Variants in DGKB observed in about 807,000 individuals in gnomAD.
The protein encoded by DGKB is diacylglycerol kinase beta.
DGKB carries 67 observed loss-of-function variants against 114.3 expected under a neutral mutation model. That is an observed-to-expected ratio of 0.59 (90% CI 0.48 to 0.72). The LOEUF (loss-of-function observed/expected upper bound fraction) is 0.72, where lower values mean the gene tolerates loss of function less well. Ranked by LOEUF, DGKB falls within the 30% of genes least tolerant of loss-of-function variation. The pLI is 0.00. For synonymous variants in DGKB, 398 were observed against 323.1 expected (o/e 1.23, Z -2.49); for missense variants, 907 against 975.2 (o/e 0.93, Z 0.93).
At position 14,451,258 on chromosome 7, in the gene DGKB, T is replaced by C. The variant is rs138537662; in HGVS notation, c.1835+26903A>G. Among the ~76,000 whole-genome samples the C allele has an allele frequency of 4.6e-5, 7 of 152,164 alleles. No individual in the cohort carries two copies. The East Asian group carries it at 1.4e-3, about 29-fold the overall frequency. On this transcript the variant is annotated intron_variant, in intron 21 of 25. Transcript: ENST00000402815. ...GTAAAGCAGATTGCCCTTCACAATA[T>C]GGGTAGGACTCATCTAATGTGTTGA...
At chr7:14,786,825 C>T (rs1003883016) in intron 2 of DGKB, among the ~76,000 whole-genome samples, 4 of 152,206 alleles carry the variant, frequency 2.6e-5, no homozygotes, top group African/African-American at 4.8e-5. Context: ...GAGGATGGCT[C>T]GGCATAGGCC....
At chr7:14,324,767 A>G (rs71538871) in intron 23 of DGKB, among the ~76,000 whole-genome samples, 1 of 152,316 alleles carries the variant, frequency 6.6e-6, no homozygotes, top group South Asian at 2.1e-4. Flanking sequence ...ACACGCGAGA[A>G]CAAGATACAT....
intron 2 of DGKB, among the ~76,000 whole-genome samples, chr7:14,837,196 C>G (rs2128131964): frequency 6.6e-6 from 1 of 152,288 alleles, no homozygotes; most frequent in Non-Finnish European, 1.5e-5. Flanking sequence ...TAAACACAAG[C>G]TGTCTGGTAT....
rs1008884468 is a variant in DGKB at position 14,697,583 on chromosome 7, T to C, written c.591+512A>G. On this transcript the variant is annotated intron_variant, in intron 8 of 25. Transcript: ENST00000402815. ...CTTATTCAGAATCCACTTTGACTTC[T>C]GATTAGAAATAGTAACTTAGTTATC... Among the ~76,000 whole-genome samples the C allele has an allele frequency of 2.6e-5, 4 of 151,378 alleles. No individual in the cohort carries two copies. In the East Asian group the frequency reaches 7.7e-4, roughly 29 times the overall value.
chr7:14,502,548 A>G (rs745501603), intron 20 of DGKB, among the ~76,000 whole-genome samples: 14 of 152,228 alleles, frequency 9.2e-5, no homozygotes, highest in Middle Eastern at 3.4e-3. Context: ...TTCAGGATTC[A>G]TTTATAATTC....
At chr7:14,531,188 C>T (rs762999151) in intron 20 of DGKB, among the ~76,000 whole-genome samples, 3 of 150,952 alleles carry the variant, frequency 2.0e-5, no homozygotes, top group Middle Eastern at 3.4e-3. Context: ...TTTCATTGGA[C>T]GCTATAACTA....
intron 20 of DGKB, among the ~76,000 whole-genome samples, chr7:14,573,081 A>G (rs1336502834): frequency 2.0e-5 from 3 of 152,190 alleles, no homozygotes; most frequent in African/African-American, 7.2e-5. Flanking sequence ...ATTAAAAAGT[A>G]CACTTACAAT....
intron 1 of DGKB, among the ~76,000 whole-genome samples, chr7:14,854,407 C>T (rs1244185613): frequency 1.3e-5 from 2 of 152,124 alleles, no homozygotes; most frequent in Admixed American, 1.3e-4. Flanking sequence ...GCACCAGGGA[C>T]CGGTTTCGTG....
At chr7:14,389,225 T>C (rs1358286374) in intron 21 of DGKB, among the ~76,000 whole-genome samples, 79 of 152,326 alleles carry the variant, frequency 5.2e-4, no homozygotes, top group Non-Finnish European at 1.6e-4. Context: ...CGAGGAATCA[T>C]GGAAAATTGC....
intron 20 of DGKB, among the ~76,000 whole-genome samples, chr7:14,558,431 C>G (rs1295390005): frequency 6.6e-6 from 1 of 151,916 alleles, no homozygotes; most frequent in African/African-American, 2.4e-5. Context: ...CAATAATTAA[C>G]CAGAAATGTT....
intron 13 of DGKB, among the ~76,000 whole-genome samples, chr7:14,654,363 C>CA (rs1368270328): frequency 6.6e-6 from 1 of 151,560 alleles, no homozygotes; most frequent in African/African-American, 2.4e-5. Flanking sequence ...ATTAAAACTG[C>CA]AAAACACTGA....
chr7:14,900,601 T>C lies in DGKB; in HGVS notation c.-188+1991A>G, dbSNP rs1191057691. Among the ~76,000 whole-genome samples, 3 of 152,134 alleles carry C rather than the reference T, an allele frequency of 2.0e-5. 1 individual carries two copies. Among genetic ancestry groups the C allele is most frequent in the African/African-American group, 7.2e-5 (3 of 41,438 alleles). On this transcript the variant is annotated intron_variant, in intron 1 of 25. Transcript: ENST00000402815. ...TTTCAATAGTGTGCAAGAAAAAGCA[T>C]CAGTCATAGGATACTAGTTCAGACA...
At chr7:14,760,654 G>A (rs983284627) in intron 2 of DGKB, among the ~76,000 whole-genome samples, 6 of 151,742 alleles carry the variant, frequency 4.0e-5, no homozygotes, top group East Asian at 1.9e-4. Flanking sequence ...ATCATATCTC[G>A]AGAGACTATG....
chr7:14,373,618 G>C (rs1045067674), intron 21 of DGKB, among the ~76,000 whole-genome samples: 8 of 152,130 alleles, frequency 5.3e-5, no homozygotes, highest in African/African-American at 1.9e-4. Context: ...AAAAAGAAAG[G>C]GAAGGGACAA....
chr7:14,794,932 C>G (rs942746856), intron 2 of DGKB, among the ~76,000 whole-genome samples: 1 of 152,078 alleles, frequency 6.6e-6, no homozygotes, highest in African/African-American at 2.4e-5. Flanking sequence ...ATCTCTGCCT[C>G]TATAGTTATA....
intron 1 of DGKB, among the ~76,000 whole-genome samples, chr7:14,939,841 CT>C (rs1442242041): frequency 1.3e-5 from 2 of 151,920 alleles, no homozygotes; most frequent in Non-Finnish European, 2.9e-5. Flanking sequence ...TCTTGATCTC[CT>C]GACCTCGTGA....
intron 21 of DGKB, among the ~76,000 whole-genome samples, chr7:14,377,430 G>A (rs1339172930): frequency 6.6e-6 from 1 of 152,106 alleles, no homozygotes; most frequent in Non-Finnish European, 1.5e-5. Context: ...TGCATTGATG[G>A]TAGTCTTGTT....
At position 14,834,274 on chromosome 7, in the gene DGKB, G is replaced by A. The variant is rs142304362; in HGVS notation, c.70+6920C>T. 5.7e-3 allele frequency among the ~76,000 whole-genome samples: 863 copies of A among 152,182 alleles called. 11 individuals are homozygous for A. The highest frequency in any genetic ancestry group is 0.02 in the African/African-American group (817 of 41,538). ...TTATTATCTTCAGTATAAACTGAGG[G>A]GATGAAATGAAAGTATAAAGAAATT... On this transcript the variant is annotated intron_variant, in intron 2 of 25. Transcript: ENST00000402815.
rs986114302 is a variant in DGKB, at chr7:14,299,288, T to A, written c.2122+39227A>T. On this transcript the variant is annotated intron_variant, in intron 23 of 25. Transcript: ENST00000402815. ...TCAGGTTGTCTATAATGTATAGTTTTCAGAGGAAAAGTAAACATAAAAATG... is the reference window on the plus strand; with the variant it reads ...TCAGGTTGTCTATAATGTATAGTTTACAGAGGAAAAGTAAACATAAAAATG... Among the ~76,000 whole-genome samples the A allele has an allele frequency of 1.1e-4, 16 of 152,248 alleles. No homozygotes were observed. In the East Asian group the frequency reaches 2.9e-3, roughly 28 times the overall value.
Sources: allele counts gnomAD v4.1 joint callset (sites outside exome capture counted in the v4.1 genomes callset), GRCh38; gene constraint gnomAD v4.1.1; transcripts MANE v1.5; gene names NCBI Gene and HGNC (gene_info 2026-07-23, HGNC 2026-07-21).